Variants in FAM178B observed in about 807,000 individuals in gnomAD.
FAM178B encodes the protein protein FAM178B.
Under a neutral mutation model 91.7 loss-of-function variants are expected in FAM178B, and 82 were observed. The observed-to-expected ratio is 0.89, with a 90% CI of 0.75 to 1.07. FAM178B has a LOEUF of 1.07. FAM178B is among the 50% of genes least tolerant of loss of function. The probability of loss-of-function intolerance (pLI) is 0.00; values close to 1 mark genes in which losing one functional copy is unlikely to be tolerated. For synonymous variants in FAM178B, 368 were observed against 359.4 expected, an observed-to-expected ratio of 1.02 and a Z score of -0.27; for missense variants, 769 against 846.7, an observed-to-expected ratio of 0.91 and a Z score of 1.14.
chr2:96,912,069 G>C (rs775155131), intron 12 of FAM178B, among the ~76,000 whole-genome samples: 1 of 152,158 alleles, frequency 6.6e-6, no homozygotes, highest in Non-Finnish European at 1.5e-5. Context: ...TTAGCAAGCA[G>C]GGAATTTACG....
Position 96,875,932 on chromosome 2 carries a change from C to T in FAM178B, c.*344G>A. On this transcript the variant is annotated 3_prime_UTR_variant, in exon 17 of 17. Transcript: ENST00000490605. Reference sequence around the variant, plus strand: ...GCACAAAGAAACCTCACATTAGTGACAGGGAGACAGAGGAAGGAGGGTGGG... The same window carrying T: ...GCACAAAGAAACCTCACATTAGTGATAGGGAGACAGAGGAAGGAGGGTGGG... The T allele has an allele frequency of 1.7e-5, 6 of 357,014 alleles. No individual in the cohort carries two copies. Among genetic ancestry groups the T allele is most frequent in the Middle Eastern group, 3.4e-4 (1 of 2,954 alleles). 22.1% of individuals were successfully genotyped at this position (357,014 alleles called of 1,614,324 possible). A position where few individuals can be genotyped will look rare whatever the true frequency, so the allele number is the denominator to read the frequency against.
intron 13 of FAM178B, among the ~76,000 whole-genome samples, chr2:96,897,670 C>T (rs2080849762): frequency 6.6e-6 from 1 of 152,202 alleles, no homozygotes; most frequent in South Asian, 2.1e-4. Context: ...TTCTCACCGC[C>T]CACGCTGCTG....
chr2:96,894,863 C>A, intron 13 of FAM178B, among the ~76,000 whole-genome samples: 2 of 97,684 alleles, frequency 2.0e-5, no homozygotes, highest in Admixed American at 1.0e-4. Context: ...CACAGACCCC[C>A]ACCCACACCC....
intron 13 of FAM178B, chr2:96,898,193 A>G: frequency 3.4e-6 from 3 of 891,580 alleles, no homozygotes; most frequent in Non-Finnish European, 4.0e-6. Flanking sequence ...CTGATGAGGA[A>G]AGGGAGGGAC....
chr2:96,900,027 A>G (rs1236647394), intron 13 of FAM178B, among the ~76,000 whole-genome samples: 3 of 151,348 alleles, frequency 2.0e-5, no homozygotes, highest in African/African-American at 7.3e-5. Context: ...AGGCAGCCCC[A>G]CCAAGCTCTC....
chr2:96,982,483 G>C (rs536268247), intron 1 of FAM178B, among the ~76,000 whole-genome samples: 2 of 151,874 alleles, frequency 1.3e-5, no homozygotes, highest in Non-Finnish European at 2.9e-5. Flanking sequence ...GGCTGGTCTC[G>C]AACTCCTGAG....
At chr2:96,893,495 G>A (rs542835594) in intron 14 of FAM178B, among the ~76,000 whole-genome samples, 1 of 152,190 alleles carries the variant, frequency 6.6e-6, no homozygotes, top group South Asian at 2.1e-4. Context: ...AAAATGAACA[G>A]GGAGGCTGGG....
chr2:96,944,795 A>G (rs1559088248), intron 8 of FAM178B, among the ~76,000 whole-genome samples: 1 of 152,192 alleles, frequency 6.6e-6, no homozygotes, highest in Non-Finnish European at 1.5e-5. Context: ...ACCAAACCTG[A>G]TGTGGACAGC....
Position 96,898,765 on chromosome 2 carries a change from G to A in FAM178B, c.1650+3855C>T, listed in dbSNP as rs753705048. 4.3e-4 allele frequency among the ~76,000 whole-genome samples: 66 copies of A among 152,318 alleles called. 1 individual carries two copies. The highest frequency in any genetic ancestry group is 7.3e-4 in the Non-Finnish European group (50 of 68,028). ...AGGGCCTTGGGCTGCTAGGAGGGGCGAGCACTGAGGACAGCAGCCAGGACA... is the reference window on the plus strand; with the variant it reads ...AGGGCCTTGGGCTGCTAGGAGGGGCAAGCACTGAGGACAGCAGCCAGGACA... On this transcript the variant is annotated intron_variant, in intron 13 of 16. Coordinates refer to ENST00000490605, the MANE Select transcript of FAM178B (RefSeq NM_001122646.3).
In FAM178B at chr2:96,939,990, C is replaced by T. The variant is rs941194116; in HGVS notation, c.1078+7828G>A. On this transcript the variant is annotated intron_variant, in intron 8 of 16. Transcript: ENST00000490605. ...GACGCTGAATTACTGTTATCAAATT[C>T]TAATTGGAGACTTTGAAAGGACTAT... Among the ~76,000 whole-genome samples the T allele has an allele frequency of 7.7e-4, 117 of 152,242 alleles. 1 individual carries two copies. Among genetic ancestry groups the T allele is most frequent in the African/African-American group, 2.7e-3 (114 of 41,554 alleles).
At position 96,972,031 on chromosome 2, in the gene FAM178B, C is replaced by CT. The variant is rs2082226819; in HGVS notation, c.433dup (p.Arg145LysfsTer5). ...CTCCTCGGGCAGCTCACCAGCCAGT[C>CT]TCCTCAGGCCCTGGGGGCCCACCAC... On this transcript the variant is annotated frameshift_variant, in exon 3 of 17. Coordinates refer to ENST00000490605, the MANE Select transcript of FAM178B (RefSeq NM_001122646.3). LOFTEE classifies it high-confidence loss of function. The CT allele has an allele frequency of 3.2e-6, 5 of 1,551,814 alleles. No homozygotes were observed. Among genetic ancestry groups the CT allele is most frequent in the Non-Finnish European group, 4.4e-6 (5 of 1,147,534 alleles).
chr2:96,936,322 C>T (rs1044827373), intron 8 of FAM178B, among the ~76,000 whole-genome samples: 1 of 151,966 alleles, frequency 6.6e-6, no homozygotes, highest in African/African-American at 2.4e-5. Flanking sequence ...CTGCCTCAGC[C>T]TCCCGAGTAG....
At chr2:96,948,518 C>G (rs1250904472) in intron 7 of FAM178B, among the ~76,000 whole-genome samples, 1 of 152,196 alleles carries the variant, frequency 6.6e-6, no homozygotes, top group Non-Finnish European at 1.5e-5. Flanking sequence ...TGCAGAGAGG[C>G]TGACAAGGGA....
intron 7 of FAM178B, chr2:96,949,891 G>A: frequency 1.3e-6 from 1 of 775,122 alleles, no homozygotes; most frequent in Non-Finnish European, 1.6e-6. Context: ...ATCAGGCCTG[G>A]CTCCGAGGCA....
intron 5 of FAM178B, among the ~76,000 whole-genome samples, 163 bp downstream of exon 5, chr2:96,967,357 A>C (rs565783557): frequency 6.6e-6 from 1 of 152,226 alleles, no homozygotes; most frequent in African/African-American, 2.4e-5. Context: ...TCTTTCTTGA[A>C]TCAATGAGTG....
intron 5 of FAM178B, among the ~76,000 whole-genome samples, chr2:96,961,190 T>C (rs1253963744): frequency 1.3e-5 from 2 of 152,056 alleles, no homozygotes; most frequent in Non-Finnish European, 2.9e-5. Context: ...TAATGACCCA[T>C]TGAAATGAGG....
chr2:96,889,270 C>T (rs1183187412), intron 14 of FAM178B, among the ~76,000 whole-genome samples: 2 of 152,220 alleles, frequency 1.3e-5, no homozygotes, highest in South Asian at 2.1e-4. Context: ...AACAACTTCA[C>T]AGTCCCCAAA....
Position 96,985,501 on chromosome 2 carries a change from T to G in FAM178B, c.73+740A>C, listed in dbSNP as rs74395185. On this transcript the variant is annotated intron_variant, in intron 1 of 16. Coordinates refer to ENST00000490605, the MANE Select transcript of FAM178B (RefSeq NM_001122646.3). ...GTCCTCGCAGTGAGATTTCAACATGTCATCTCAGTTTTTTTGTTCTTTTAC... is the reference window on the plus strand; with the variant it reads ...GTCCTCGCAGTGAGATTTCAACATGGCATCTCAGTTTTTTTGTTCTTTTAC... 2.9e-3 allele frequency among the ~76,000 whole-genome samples: 437 copies of G among 152,306 alleles called. 19 individuals are homozygous for G. In the East Asian group the frequency reaches 0.051, roughly 18 times the overall value.
At chr2:96,977,883 C>G (rs975603030) in intron 1 of FAM178B, 14 of 442,748 alleles carry the variant, frequency 3.2e-5, no homozygotes, top group Non-Finnish European at 5.3e-5. Flanking sequence ...CTCAAGATCA[C>G]GAAGCCCAGG....
Sources: allele counts gnomAD v4.1 joint callset (sites outside exome capture counted in the v4.1 genomes callset), GRCh38; gene constraint gnomAD v4.1.1; transcripts MANE v1.5; gene names NCBI Gene and HGNC (gene_info 2026-07-23, HGNC 2026-07-21).